VEPH1: variants seen among roughly 807,000 people sequenced by gnomAD.
The protein encoded by VEPH1 is ventricular zone-expressed PH domain-containing protein homolog 1.
In VEPH1, 80 loss-of-function variants were observed where a neutral mutation model predicts 85.2. The ratio of observed to expected loss-of-function variants is 0.94; its 90% CI spans 0.78 to 1.13. The LOEUF is 1.13. Among genes scored for constraint, VEPH1 ranks in the 50% most tolerant of loss-of-function variants. The probability of loss-of-function intolerance (pLI) is 0.00; values close to 1 mark genes in which losing one functional copy is unlikely to be tolerated. For synonymous variants in VEPH1, 297 were observed against 348.0 expected (o/e 0.85, Z 1.63); for missense variants, 955 against 980.5 (o/e 0.97, Z 0.35).
intron 4 of VEPH1, chr3:157,442,460 C>T (rs1734201064): frequency 2.5e-6 from 4 of 1,614,156 alleles, no homozygotes; most frequent in African/African-American, 1.3e-5. Flanking sequence ...CTTTTAGTGC[C>T]TGCATTTGGG....
At chr3:157,369,441 G>A (rs145180798) in intron 7 of VEPH1, among the ~76,000 whole-genome samples, 52 of 152,274 alleles carry the variant, frequency 3.4e-4, no homozygotes, top group African/African-American at 1.1e-3. Flanking sequence ...AATTCTCACC[G>A]CAAAGACTTT....
At chr3:157,284,360 T>C (rs1716516999) in intron 12 of VEPH1, among the ~76,000 whole-genome samples, 1 of 152,132 alleles carries the variant, frequency 6.6e-6, no homozygotes, top group Non-Finnish European at 1.5e-5. Flanking sequence ...CATATTTCTA[T>C]CCCAAGGGTC....
chr3:157,269,195 T>C (rs980750636), intron 12 of VEPH1, among the ~76,000 whole-genome samples: 5 of 152,224 alleles, frequency 3.3e-5, no homozygotes, highest in Admixed American at 1.3e-4. Flanking sequence ...TCCAAATGTT[T>C]CACTTGAAGA....
intron 11 of VEPH1, among the ~76,000 whole-genome samples, chr3:157,305,808 C>T (rs893627816): frequency 6.6e-6 from 1 of 152,184 alleles, no homozygotes; most frequent in Non-Finnish European, 1.5e-5. Flanking sequence ...TTAACTTTGA[C>T]TACTTTGCCT....
chr3:157,480,988 C>T (rs562725519), intron 2 of VEPH1, among the ~76,000 whole-genome samples: 1 of 152,132 alleles, frequency 6.6e-6, no homozygotes, highest in East Asian at 1.9e-4. Flanking sequence ...TAACAAAAGC[C>T]ATTCTAGCTG....
intron 9 of VEPH1, among the ~76,000 whole-genome samples, chr3:157,321,914 CAT>C (rs1407589281): frequency 3.3e-5 from 5 of 152,104 alleles, no homozygotes; most frequent in African/African-American, 1.2e-4. Context: ...TTATATAAAA[CAT>C]ATAATTTATG....
intron 7 of VEPH1, among the ~76,000 whole-genome samples, chr3:157,368,237 G>A (rs998326536): frequency 5.9e-5 from 9 of 152,130 alleles, no homozygotes; most frequent in Non-Finnish European, 1.2e-4. Flanking sequence ...GCCCCTTTCC[G>A]TGCCTGTGTC....
At chr3:157,320,809 C>G (rs1197517767) in intron 9 of VEPH1, among the ~76,000 whole-genome samples, 1 of 152,030 alleles carries the variant, frequency 6.6e-6, no homozygotes, top group Non-Finnish European at 1.5e-5. Context: ...TACAAAAATA[C>G]AAGAATATTT....
At chr3:157,383,549 C>A (rs1728990035) in intron 6 of VEPH1, among the ~76,000 whole-genome samples, 1 of 152,128 alleles carries the variant, frequency 6.6e-6, no homozygotes. Context: ...TAGTGAAGTT[C>A]CCTCATTTTT....
In VEPH1 at chr3:157,406,993, C is replaced by A. The variant is rs867573074; in HGVS notation, c.906+6888G>T. Among the ~76,000 whole-genome samples, 702 of 120,484 alleles carry A rather than the reference C, an allele frequency of 5.8e-3. 9 individuals are homozygous for A. Among genetic ancestry groups the A allele is most frequent in the South Asian group, 0.033 (127 of 3,858 alleles). The allele number at this position is 120,484 out of a possible 152,430, so 79.0% of individuals were successfully genotyped here. On this transcript the variant is annotated intron_variant, in intron 6 of 13. Transcript: ENST00000362010. Reference sequence around the variant, plus strand: ...GATACATGAATTCAAGTTGGCCTCCCAAAAAAAAAAAAAAAATCAATGCCA... The same window carrying A: ...GATACATGAATTCAAGTTGGCCTCCAAAAAAAAAAAAAAAAATCAATGCCA...
intron 9 of VEPH1, among the ~76,000 whole-genome samples, chr3:157,341,888 A>G (rs1723608647): frequency 1.3e-5 from 2 of 151,946 alleles, no homozygotes; most frequent in South Asian, 4.2e-4. Flanking sequence ...CTTAAAGAAA[A>G]GAATTTTCAA....
At chr3:157,303,126 CCAAAG>C (rs1348156529) in intron 11 of VEPH1, among the ~76,000 whole-genome samples, 2 of 152,146 alleles carry the variant, frequency 1.3e-5, no homozygotes, top group Non-Finnish European at 2.9e-5. Flanking sequence ...CTCTAATACA[CCAAAG>C]CTTTTCCTTT....
At chr3:157,438,049 A>G (rs1054632036) in intron 4 of VEPH1, 60 of 719,750 alleles carry the variant, frequency 8.3e-5, no homozygotes, top group Middle Eastern at 3.8e-4. Flanking sequence ...ACACACACAC[A>G]CACACACACA....
chr3:157,286,374 TC>T lies in VEPH1; in HGVS notation c.2128+182del, dbSNP rs1716767539. 5 of 633,346 alleles carry T rather than the reference TC, an allele frequency of 7.9e-6. No homozygotes were observed. The Admixed American group carries it at 1.2e-4, about 15-fold the overall frequency. The allele number at this position is 633,346 out of a possible 1,614,324, so 39.2% of individuals were successfully genotyped here. ...ATTGTTTCTCTGCCTCCCAAAGTTT[TC>T]CCTTTTTCCTACGACCACTTTGGTG... is the stretch of plus-strand genomic sequence containing the variant. On this transcript the variant is annotated intron_variant, in intron 12 of 13. Coordinates refer to ENST00000362010, the MANE Select transcript of VEPH1 (RefSeq NM_001167912.2).
intron 9 of VEPH1, among the ~76,000 whole-genome samples, chr3:157,355,901 C>CTTT (rs142961206): frequency 7.2e-6 from 1 of 139,376 alleles, no homozygotes; most frequent in African/African-American, 2.6e-5. Flanking sequence ...CTCTCTCACT[C>CTTT]TTTTTTTTTT....
intron 9 of VEPH1, among the ~76,000 whole-genome samples, chr3:157,317,697 A>G (rs1263988563): frequency 3.3e-5 from 5 of 152,190 alleles, no homozygotes; most frequent in African/African-American, 1.2e-4. Context: ...GGGTTTGAAA[A>G]GGTCATCTCG....
At chr3:157,467,225 G>A (rs1468136130) in intron 3 of VEPH1, among the ~76,000 whole-genome samples, 1 of 151,718 alleles carries the variant, frequency 6.6e-6, no homozygotes, top group Non-Finnish European at 1.5e-5. Context: ...GGTGCAGGAA[G>A]AAGAAATGAC....
At position 157,371,927 on chromosome 3, in the gene VEPH1, C is replaced by A. The variant is rs138636229; in HGVS notation, c.1128-7415G>T. 2.2e-3 allele frequency among the ~76,000 whole-genome samples: 339 copies of A among 152,120 alleles called. 1 individual carries two copies. Among genetic ancestry groups the A allele is most frequent in the African/African-American group, 7.8e-3 (325 of 41,494 alleles). ...AGTAGCCTTAACAGAAGACGGCCGC[C>A]CCATCCTAATGAACTGCCACCCAGA... On this transcript the variant is annotated intron_variant, in intron 7 of 13. Transcript: ENST00000362010.
chr3:157,268,773 G>GGTGTCACT (rs1233732849), intron 12 of VEPH1, among the ~76,000 whole-genome samples: 8 of 151,944 alleles, frequency 5.3e-5, no homozygotes, highest in African/African-American at 1.9e-4. Flanking sequence ...CCTAAGACAG[G>GGTGTCACT]GTGTCACTCT....
Sources: gnomAD v4.1 joint callset for allele counts (sites outside exome capture counted in the v4.1 genomes callset) on GRCh38, gnomAD v4.1.1 for gene constraint, MANE v1.5 for transcripts, NCBI Gene and HGNC (gene_info 2026-07-23, HGNC 2026-07-21) for gene names.